The following MLX variants were observed in gnomAD, a reference collection of about 807,000 sequenced individuals.
The protein encoded by MLX is max-like protein X.
MLX carries 15 observed loss-of-function variants against 33.0 expected under a neutral mutation model. That is an observed-to-expected ratio of 0.45 (90% confidence interval 0.30 to 0.70). The LOEUF is 0.70. MLX is among the 30% of genes least tolerant of loss of function. The probability of loss-of-function intolerance (pLI) is 0.07; values close to 1 mark genes in which losing one functional copy is unlikely to be tolerated. For missense variants in MLX, 285 were observed against 306.3 expected, an observed-to-expected ratio of 0.93 and a Z score of 0.52; for synonymous variants, 115 against 115.6, an observed-to-expected ratio of 0.99 and a Z score of 0.03.
intron 2 of MLX, 156 bp downstream of exon 2, chr17:42,567,811 C>A: frequency 1.1e-6 from 1 of 910,748 alleles, no homozygotes; most frequent in East Asian, 2.6e-5. Context: ...GGGCAGAAAA[C>A]AACTGAGGGT....
rs1386639275 is a variant in MLX, at chr17:42,567,670, C to T, written c.79+15C>T. 19 of 1,613,990 alleles carry T rather than the reference C, an allele frequency of 1.2e-5. No homozygotes were observed. Among genetic ancestry groups the T allele is most frequent in the Non-Finnish European group, 1.5e-5 (18 of 1,180,008 alleles). Reference sequence around the variant, plus strand: ...CCTGGACCCCGGTGAGTAGCTGCCCCATCTTAAGCTCTAGAGGGACACTCC... The same window carrying T: ...CCTGGACCCCGGTGAGTAGCTGCCCTATCTTAAGCTCTAGAGGGACACTCC... On this transcript the variant is annotated intron_variant, in intron 2 of 7. Coordinates refer to ENST00000435881, the MANE Select transcript of MLX (RefSeq NM_198204.2).
At chr17:42,567,441 C>A in intron 1 of MLX, 178 bp from the exon 2 acceptor site, 2 of 1,376,172 alleles carry the variant, frequency 1.5e-6, no homozygotes, top group Non-Finnish European at 1.9e-6. Context: ...CTAGCCTGTG[C>A]CAGTCTCGGG....
Position 42,569,595 on chromosome 17 carries a change from G to C in MLX, c.465G>C (p.Lys155Asn). The change falls in exon 6 of 8, where the codon AAG becomes AAC. Residue 155 changes from lysine to asparagine, a missense_variant. Coordinates refer to ENST00000435881, the MANE Select transcript of MLX (RefSeq NM_198204.2). ...TACGCAAGGATGTCACCGCCCTAAA[G>C]ATCATGAAAGTGTAAGAGGGGTGCT... ...STLRKDVTALKIMKVNYEQIV... is the reference protein window; with the variant it reads ...STLRKDVTALNIMKVNYEQIV... 6.2e-7 allele frequency: 1 copy of C among 1,613,852 alleles called. No homozygotes were observed.
intron 3 of MLX, 63 bp downstream of exon 3, chr17:42,568,622 C>T (rs758728662): frequency 6.8e-6 from 10 of 1,475,710 alleles, no homozygotes; most frequent in Non-Finnish European, 9.5e-6. Flanking sequence ...TAGTACCTTT[C>T]CTAGACAGGG....
Position 42,567,613 on chromosome 17 carries a change from C to T in MLX, c.43-6C>T. 6.2e-7 allele frequency: 1 copy of T among 1,614,038 alleles called. No homozygotes were observed. Among genetic ancestry groups the T allele is most frequent in the Non-Finnish European group, 8.5e-7 (1 of 1,179,988 alleles). On this transcript the variant is annotated splice_polypyrimidine_tract_variant and splice_region_variant and intron_variant, in intron 1 of 7. Coordinates refer to ENST00000435881, the MANE Select transcript of MLX (RefSeq NM_198204.2). The stretch of plus-strand genomic sequence containing the variant: ...TGACGGGCCCTTCCCGTGCTCTGTG[C>T]CGCAGGTGGAGTATGCCTACAGCGA...
In MLX at chr17:42,568,532, A is replaced by G. The variant is rs1038225340; in HGVS notation, c.142A>G (p.Thr48Ala). Residue 48 changes from threonine to alanine, a missense_variant, in exon 3 of 8, where the codon ACC becomes GCC. By Grantham distance (58) the Thr-to-Ala change is moderately conservative. Transcript: ENST00000435881. Reference protein sequence around the residue: ...VVSRANSIGSTSASSVPNTDD... With the variant: ...VVSRANSIGSASASSVPNTDD... ...GTCCAGAGCTAATAGCATCGGTTCC[A>G]CCAGTGCCTCTTCTGTCCCCAACAC... 4 of 1,613,702 alleles carry G rather than the reference A, an allele frequency of 2.5e-6. No homozygotes were observed. In the Admixed American group the frequency reaches 6.7e-5, roughly 27 times the overall value.
rs2093046811 is a variant in MLX at position 42,573,147 on chromosome 17, G to C, written c.*1544G>C. On this transcript the variant is annotated 3_prime_UTR_variant, in exon 8 of 8. Transcript: ENST00000435881. ...GCTCTTGGGGTATCCTTCAAGTATTGCATCAGACAGCTCTGTAGCCTGACA... is the reference window on the plus strand; with the variant it reads ...GCTCTTGGGGTATCCTTCAAGTATTCCATCAGACAGCTCTGTAGCCTGACA... 6.2e-7 allele frequency: 1 copy of C among 1,614,108 alleles called. No homozygotes were observed. Among genetic ancestry groups the C allele is most frequent in the South Asian group, 1.1e-5 (1 of 91,090 alleles).
chr17:42,568,934 C>G lies in MLX; in HGVS notation c.267C>G (p.Asp89Glu), dbSNP rs568777376. The change falls in exon 4 of 8, where the codon GAC (aspartate) becomes GAG (glutamate). Residue 89 changes from aspartate (D) to glutamate (E), a missense_variant. Asp to Glu is a conservative substitution (Grantham distance 45). Transcript: ENST00000435881. Reference sequence around the variant, plus strand: ...CTCAGGCTGAGCAGAAGAGGAGGGACGCCATCAAGGTGAACAGGGAGGCCT... The same window carrying G: ...CTCAGGCTGAGCAGAAGAGGAGGGAGGCCATCAAGGTGAACAGGGAGGCCT... Reference protein sequence around the residue: ...AHTQAEQKRRDAIKRGYDDLQ... With the variant: ...AHTQAEQKRREAIKRGYDDLQ... 6.2e-7 allele frequency: 1 copy of G among 1,608,124 alleles called. No homozygotes were observed. The highest frequency in any genetic ancestry group is 1.1e-5 in the South Asian group (1 of 90,180).
intron 7 of MLX, among the ~76,000 whole-genome samples, chr17:42,570,725 G>A (rs1001728994): frequency 4.0e-5 from 6 of 151,524 alleles, no homozygotes; most frequent in African/African-American, 9.7e-5. Context: ...GCACAATCTC[G>A]GCTCACTGCA....
chr17:42,570,222 C>A (rs562319813), intron 7 of MLX, 39 bp downstream of exon 7: 3 of 1,601,348 alleles, frequency 1.9e-6, no homozygotes, highest in African/African-American at 2.7e-5. Flanking sequence ...GCGGTTTTCT[C>A]TACCATCAAG....
In MLX at chr17:42,568,525, C is replaced by G. The variant is rs752476588; in HGVS notation, c.135C>G (p.Ile45Met). The G allele has an allele frequency of 2.5e-6, 4 of 1,613,754 alleles. 1 individual carries two copies. The highest frequency in any genetic ancestry group is 3.4e-6 in the Non-Finnish European group (4 of 1,179,872). Reference sequence around the variant, plus strand: ...GTGTAGTGTCCAGAGCTAATAGCATCGGTTCCACCAGTGCCTCTTCTGTCC... The same window carrying G: ...GTGTAGTGTCCAGAGCTAATAGCATGGGTTCCACCAGTGCCTCTTCTGTCC... ...KGSVVSRANS[I>M]GSTSASSVPN... The change falls in exon 3 of 8, where the codon ATC (isoleucine) becomes ATG (methionine). Residue 45 changes from isoleucine to methionine, a missense_variant. By Grantham distance (10) the Ile-to-Met change is conservative (BLOSUM62 1). Transcript: ENST00000435881.
chr17:42,568,825 C>A lies in MLX; in HGVS notation c.170-12C>A. 6.3e-7 allele frequency: 1 copy of A among 1,595,780 alleles called. No homozygotes were observed. On this transcript the variant is annotated splice_polypyrimidine_tract_variant and intron_variant, in intron 3 of 7. Transcript: ENST00000435881. ...CAAGATGACCTTTCCCTGCCCCCAT[C>A]TCTGAGCGTAGATGATGAGGACAGT...
At chr17:42,571,007 G>A (rs2093029451) in intron 7 of MLX, among the ~76,000 whole-genome samples, 1 of 152,060 alleles carries the variant, frequency 6.6e-6, no homozygotes, top group Non-Finnish European at 1.5e-5. Flanking sequence ...GCGATGTTGA[G>A]AGGAGTTCAC....
Position 42,570,864 on chromosome 17 carries a change from C to T in MLX, c.678+681C>T, listed in dbSNP as rs558157426. Among the ~76,000 whole-genome samples the T allele has an allele frequency of 2.6e-5, 4 of 152,136 alleles. No individual in the cohort carries two copies. The East Asian group carries it at 7.8e-4, about 30-fold the overall frequency. On this transcript the variant is annotated intron_variant, in intron 7 of 7. Transcript: ENST00000435881. ...GTAAGACGGGGTTTCACCGTGTTAGCCAGGATGGTCTCGATCTCCTGACCT... is the reference window on the plus strand; with the variant it reads ...GTAAGACGGGGTTTCACCGTGTTAGTCAGGATGGTCTCGATCTCCTGACCT...
In MLX at chr17:42,568,570, A is replaced by G. The variant is rs1318293561; in HGVS notation, c.169+11A>G. The stretch of plus-strand genomic sequence containing the variant: ...CTGTCCCCAACACAGGTAGGCAGTA[A>G]CATCCCCCCCGACCTCGGGGGGCTC... On this transcript the variant is annotated intron_variant, in intron 3 of 7. Transcript: ENST00000435881. 3 of 1,610,354 alleles carry G rather than the reference A, an allele frequency of 1.9e-6. No homozygotes were observed. Among genetic ancestry groups the G allele is most frequent in the Non-Finnish European group, 2.5e-6 (3 of 1,176,694 alleles).
chr17:42,567,291 GC>G (rs1356780452), intron 1 of MLX, 125 bp downstream of exon 1: 1 of 1,362,630 alleles, frequency 7.3e-7, no homozygotes, highest in African/African-American at 1.5e-5. Context: ...GTGCCCCGGG[GC>G]TGCAGAGAAG....
rs1390375877 is a variant in MLX, at chr17:42,571,646, G to C, written c.*43G>C. The stretch of plus-strand genomic sequence containing the variant: ...GGAGAACAGCCAACAAGAGGCCCTT[G>C]AATCTCTACGTGGCCACTGAACTGC... On this transcript the variant is annotated 3_prime_UTR_variant, in exon 8 of 8. Coordinates refer to ENST00000435881, the MANE Select transcript of MLX (RefSeq NM_198204.2). 1 of 1,576,250 alleles carries C rather than the reference G, an allele frequency of 6.3e-7. No homozygotes were observed. Among genetic ancestry groups the C allele is most frequent in the South Asian group, 1.1e-5 (1 of 89,746 alleles).
At position 42,572,142 on chromosome 17, in the gene MLX, T is replaced by A; in HGVS notation, c.*539T>A. On this transcript the variant is annotated 3_prime_UTR_variant, in exon 8 of 8. Coordinates refer to ENST00000435881, the MANE Select transcript of MLX (RefSeq NM_198204.2). ...GCCTAGACTAGGGCTGCCTGGTCAG[T>A]CCCAGGTGAGGCCAAGGGCTTTCTG... 5.9e-6 allele frequency: 2 copies of A among 338,284 alleles called. No homozygotes were observed. Among genetic ancestry groups the A allele is most frequent in the South Asian group, 4.8e-5 (2 of 41,468 alleles). The allele number at this position is 338,284 out of a possible 1,614,324, so 21.0% of individuals were successfully genotyped here.
chr17:42,569,371 C>A, intron 5 of MLX, 68 bp downstream of exon 5: 1 of 1,541,656 alleles, frequency 6.5e-7, no homozygotes, highest in Non-Finnish European at 9.0e-7. Context: ...GTGCCTCCTA[C>A]CCACCCATGG....
Sources: gnomAD v4.1 joint callset for allele counts (sites outside exome capture counted in the v4.1 genomes callset) on GRCh38, gnomAD v4.1.1 for gene constraint, MANE v1.5 for transcripts, NCBI Gene and HGNC (gene_info 2026-07-23, HGNC 2026-07-21) for gene names.